The following SDCCAG8 variants were observed in gnomAD, a reference collection of about 807,000 sequenced individuals.
SDCCAG8 encodes serologically defined colon cancer antigen 8.
SDCCAG8 carries 74 observed loss-of-function variants against 101.8 expected under a neutral mutation model. The observed-to-expected ratio is 0.73, with a 90% confidence interval of 0.60 to 0.88. SDCCAG8 has a LOEUF of 0.88. Among genes scored for constraint, SDCCAG8 ranks in the 40% least tolerant of loss-of-function variants. SDCCAG8 has a pLI of 0.00. For synonymous variants in SDCCAG8, 281 were observed against 292.9 expected (o/e 0.96, Z 0.41); for missense variants, 787 against 822.6 (o/e 0.96, Z 0.53).
chr1:243,264,182 T>A (rs2067406301), intron 1 of SDCCAG8, among the ~76,000 whole-genome samples: 2 of 152,200 alleles, frequency 1.3e-5, no homozygotes, highest in Non-Finnish European at 2.9e-5. Flanking sequence ...AAATTAATAA[T>A]TCATAGTGTG....
rs1322196042 is a variant in SDCCAG8 at position 243,321,851 on chromosome 1, G to GT, written c.1068+4960dup. ...TTTAGTAAAGACAGCGTTTTGCCAT[G>GT]TTGGCCAGGCTGGTATTGAACTCCT... On this transcript the variant is annotated intron_variant, in intron 9 of 17. Coordinates refer to ENST00000366541, the MANE Select transcript of SDCCAG8 (RefSeq NM_006642.5). Among the ~76,000 whole-genome samples, 8 of 152,312 alleles carry GT rather than the reference G, an allele frequency of 5.3e-5. No individual in the cohort carries two copies. In the East Asian group the frequency reaches 5.8e-4, roughly 11 times the overall value.
chr1:243,346,972 G>A lies in SDCCAG8; in HGVS notation c.1473+2641G>A, dbSNP rs140421339. Among the ~76,000 whole-genome samples the A allele has an allele frequency of 5.2e-4, 79 of 152,042 alleles. 1 individual carries two copies. Among genetic ancestry groups the A allele is most frequent in the African/African-American group, 1.6e-3 (68 of 41,476 alleles). On this transcript the variant is annotated intron_variant, in intron 12 of 17. Coordinates refer to ENST00000366541, the MANE Select transcript of SDCCAG8 (RefSeq NM_006642.5). ...ATCACCTACACTCATCATTTTGCCC[G>A]TCCTCTTCCTCAGTCCTATTCCATC...
At chr1:243,258,018 G>A (rs2066905739) in intron 1 of SDCCAG8, among the ~76,000 whole-genome samples, 1 of 152,098 alleles carries the variant, frequency 6.6e-6, no homozygotes, top group African/African-American at 2.4e-5. Flanking sequence ...ATAGTAATAT[G>A]TTTAATACTA....
At chr1:243,491,857 T>C in intron 17 of SDCCAG8, among the ~76,000 whole-genome samples, 1 of 152,288 alleles carries the variant, frequency 6.6e-6, no homozygotes. Flanking sequence ...TTAGAGATGG[T>C]TTAACTAAAG....
At chr1:243,312,297 C>A (rs1446109033) in intron 8 of SDCCAG8, among the ~76,000 whole-genome samples, 1 of 152,188 alleles carries the variant, frequency 6.6e-6, no homozygotes, top group East Asian at 1.9e-4. Context: ...AAAAATGATA[C>A]CTTAAATATG....
intron 12 of SDCCAG8, among the ~76,000 whole-genome samples, chr1:243,365,154 T>G (rs986962016): frequency 6.6e-6 from 1 of 152,140 alleles, no homozygotes; most frequent in Non-Finnish European, 1.5e-5. Context: ...TGAGTGGGCT[T>G]AGCGAGTGGT....
chr1:243,446,001 C>T (rs2082874634), intron 16 of SDCCAG8, among the ~76,000 whole-genome samples: 1 of 152,150 alleles, frequency 6.6e-6, no homozygotes, highest in Non-Finnish European at 1.5e-5. Flanking sequence ...GGAAGTAGAG[C>T]ACAACTGTTG....
intron 6 of SDCCAG8, chr1:243,293,555 C>A (rs933736759): frequency 2.2e-6 from 1 of 463,954 alleles, no homozygotes; most frequent in Admixed American, 2.5e-5. Flanking sequence ...AATACTTGTC[C>A]TTTTGTGTCT....
chr1:243,394,637 C>T (rs1464841680), intron 13 of SDCCAG8, among the ~76,000 whole-genome samples: 1 of 152,180 alleles, frequency 6.6e-6, no homozygotes, highest in Non-Finnish European at 1.5e-5. Flanking sequence ...AACTGCAAGT[C>T]TCATTCAGAA....
At chr1:243,459,802 AC>A (rs763666501) in intron 16 of SDCCAG8, among the ~76,000 whole-genome samples, 7 of 152,078 alleles carry the variant, frequency 4.6e-5, no homozygotes, top group Non-Finnish European at 1.0e-4. Flanking sequence ...ATGAGGTCTC[AC>A]TACATTGCCC....
At chr1:243,373,639 C>T (rs1310098215) in intron 12 of SDCCAG8, among the ~76,000 whole-genome samples, 1 of 152,028 alleles carries the variant, frequency 6.6e-6, no homozygotes, top group African/African-American at 2.4e-5. Context: ...GGTTAATCAC[C>T]AGAACATGAG....
intron 12 of SDCCAG8, among the ~76,000 whole-genome samples, chr1:243,371,562 A>C (rs1433571531): frequency 6.6e-6 from 1 of 152,190 alleles, no homozygotes; most frequent in African/African-American, 2.4e-5. Flanking sequence ...CAGTGAAAGC[A>C]TGAAGTCAGC....
chr1:243,420,442 C>A (rs1177481150), intron 15 of SDCCAG8, among the ~76,000 whole-genome samples: 1 of 152,192 alleles, frequency 6.6e-6, no homozygotes, highest in Non-Finnish European at 1.5e-5. Context: ...TAGCTATTGT[C>A]TTTGCCAGGG....
intron 6 of SDCCAG8, among the ~76,000 whole-genome samples, chr1:243,296,340 A>G (rs558060221): frequency 6.6e-6 from 1 of 151,948 alleles, no homozygotes; most frequent in East Asian, 1.9e-4. Context: ...AGCTCCCATA[A>G]AGCAAACAAA....
intron 16 of SDCCAG8, among the ~76,000 whole-genome samples, chr1:243,453,185 AT>A (rs1490798137): frequency 6.6e-6 from 1 of 152,204 alleles, no homozygotes; most frequent in Admixed American, 6.5e-5. Context: ...GACTTTGGGA[AT>A]TCAGACTGGG....
intron 13 of SDCCAG8, among the ~76,000 whole-genome samples, chr1:243,391,558 C>T (rs2078699262): frequency 6.6e-6 from 1 of 152,200 alleles, no homozygotes; most frequent in African/African-American, 2.4e-5. Context: ...TGAGCATCTC[C>T]TGCCTTGACC....
At chr1:243,470,873 A>C (rs1360724029) in intron 16 of SDCCAG8, among the ~76,000 whole-genome samples, 1 of 152,146 alleles carries the variant, frequency 6.6e-6, no homozygotes, top group Non-Finnish European at 1.5e-5. Context: ...TGTTTTTCTC[A>C]TCTTCTTCTA....
rs762264766 is a variant in SDCCAG8, at chr1:243,308,089, G to A, written c.841G>A (p.Gly281Ser). 1 of 1,614,112 alleles carries A rather than the reference G, an allele frequency of 6.2e-7. No homozygotes were observed. The highest frequency in any genetic ancestry group is 1.7e-5 in the Admixed American group (1 of 60,024). ...TGCTAATACTTGTAACCGTGTTGGT[G>A]GTCTTTGTTTGAAATGTGCTCAGCA... ...LAANTCNRVGGLCLKCAQHEA... is the reference protein window; with the variant it reads ...LAANTCNRVGSLCLKCAQHEA... Residue 281 changes from glycine to serine, a missense_variant, in exon 8 of 18, where the codon GGT (glycine) becomes AGT (serine). Coordinates refer to ENST00000366541, the MANE Select transcript of SDCCAG8 (RefSeq NM_006642.5).
chr1:243,421,169 T>C (rs181662102), intron 15 of SDCCAG8, among the ~76,000 whole-genome samples: 1 of 152,382 alleles, frequency 6.6e-6, no homozygotes, highest in African/African-American at 2.4e-5. Flanking sequence ...ATTTATTTTG[T>C]ATTGAGCAAT....
Sources: allele counts gnomAD v4.1 joint callset (sites outside exome capture counted in the v4.1 genomes callset), GRCh38; gene constraint gnomAD v4.1.1; transcripts MANE v1.5; gene names NCBI Gene and HGNC (gene_info 2026-07-23, HGNC 2026-07-21).